Variants in PGBD2 observed in about 807,000 individuals in gnomAD.
PGBD2 encodes the protein piggyBac transposable element derived 2.
A neutral mutation model predicts 8.1 loss-of-function variants in PGBD2; 6 were observed. That is an observed-to-expected ratio of 0.74 (90% CI 0.40 to 1.46). PGBD2 has a LOEUF of 1.46. Ranked by LOEUF, PGBD2 falls within the 40% of genes most tolerant of loss-of-function variation. The pLI is 0.02. For synonymous variants in PGBD2, 318 were observed against 272.2 expected (o/e 1.17, Z -1.66); for missense variants, 802 against 739.0 (o/e 1.09, Z -0.99).
At chr1:248,877,690 A>G in the PGBD2 span, among the ~76,000 whole-genome samples, 3 of 152,316 alleles carry the variant, frequency 2.0e-5, no homozygotes, top group East Asian at 5.8e-4. Flanking sequence ...CTGGAATTTA[A>G]ATAATCCTTG....
downstream of PGBD2, among the ~76,000 whole-genome samples, chr1:248,920,882 A>G (rs111378261): frequency 3.3e-5 from 5 of 152,182 alleles, no homozygotes; most frequent in African/African-American, 1.2e-4. Flanking sequence ...ATTTGCATTT[A>G]TCTAATGACC....
Position 248,918,508 on chromosome 1 carries a change from T to C in PGBD2, c.*145T>C. On this transcript the variant is annotated 3_prime_UTR_variant, in exon 3 of 3. Transcript: ENST00000329291. ...TATTTTCTCCCTACCCACAATACAG[T>C]TATCTTTTTTATTGTGTTGTGTTAT... The C allele has an allele frequency of 1.5e-6, 1 of 660,334 alleles. No individual in the cohort carries two copies. Among genetic ancestry groups the C allele is most frequent in the Non-Finnish European group, 2.5e-6 (1 of 407,990 alleles). The allele number at this position is 660,334 out of a possible 1,614,324, so 40.9% of individuals were successfully genotyped here.
the PGBD2 span, among the ~76,000 whole-genome samples, chr1:248,891,666 C>T: frequency 3.4e-4 from 52 of 152,046 alleles, no homozygotes; most frequent in African/African-American, 1.3e-3. Context: ...CTCATCTCTA[C>T]TAAAAATTTA....
chr1:248,913,080 G>A (rs1283886385), intron 1 of PGBD2, among the ~76,000 whole-genome samples: 1 of 152,122 alleles, frequency 6.6e-6, no homozygotes, highest in African/African-American at 2.4e-5. Context: ...GGGATTACAG[G>A]TGTGAGCCAC....
At chr1:248,886,498 G>A in the PGBD2 span, among the ~76,000 whole-genome samples, 10 of 152,200 alleles carry the variant, frequency 6.6e-5, no homozygotes, top group Non-Finnish European at 1.5e-4. Flanking sequence ...TTATACCACT[G>A]AGATATTGAA....
rs41311595 is a variant in PGBD2, at chr1:248,918,526, T to C, written c.*163T>C. Reference sequence around the variant, plus strand: ...AATACAGTTATCTTTTTTATTGTGTTGTGTTATGCCTACATGTGATATAAA... The same window carrying C: ...AATACAGTTATCTTTTTTATTGTGTCGTGTTATGCCTACATGTGATATAAA... On this transcript the variant is annotated 3_prime_UTR_variant, in exon 3 of 3. Transcript: ENST00000329291. The C allele has an allele frequency of 0.035, 18,866 of 543,128 alleles. 444 individuals are homozygous for C. The highest frequency in any genetic ancestry group is 0.067 in the East Asian group (2,049 of 30,652). 33.6% of individuals were successfully genotyped at this position (543,128 alleles called of 1,614,324 possible).
At chr1:248,882,942 G>A in the PGBD2 span, among the ~76,000 whole-genome samples, 1 of 152,128 alleles carries the variant, frequency 6.6e-6, no homozygotes, top group Non-Finnish European at 1.5e-5. Flanking sequence ...ATGTCAGAAT[G>A]TGGTGCATTA....
the PGBD2 span, among the ~76,000 whole-genome samples, chr1:248,888,968 C>T: frequency 1.3e-5 from 2 of 152,096 alleles, no homozygotes; most frequent in Non-Finnish European, 2.9e-5. Context: ...GCCAGTTTTC[C>T]CAGCACTATT....
At chr1:248,903,786 C>T (rs1021445431), upstream of PGBD2, among the ~76,000 whole-genome samples, 1 of 152,162 alleles carries the variant, frequency 6.6e-6, no homozygotes, top group Non-Finnish European at 1.5e-5. Context: ...TTCCATACAA[C>T]TGTGGTTTCA....
At chr1:248,886,391 G>C in the PGBD2 span, among the ~76,000 whole-genome samples, 1 of 152,150 alleles carries the variant, frequency 6.6e-6, no homozygotes, top group Non-Finnish European at 1.5e-5. Context: ...GAGAAGTGAG[G>C]ATGACTGTTG....
chr1:248,916,860 C>A lies in PGBD2; in HGVS notation c.276C>A (p.Asp92Glu). The part of the protein sequence containing the change: ...EDSGTGEDND[D>E]LELQPAKKRQ... ...CTGGCACCGGGGAGGATAATGACGACCTGGAGCTGCAGCCAGCCAAGAAGA... is the reference window on the plus strand; with the variant it reads ...CTGGCACCGGGGAGGATAATGACGAACTGGAGCTGCAGCCAGCCAAGAAGA... The change falls in exon 3 of 3, where the codon GAC becomes GAA. Residue 92 changes from aspartate (D) to glutamate (E), a missense_variant. Coordinates refer to ENST00000329291, the MANE Select transcript of PGBD2 (RefSeq NM_170725.3). 2 of 1,614,056 alleles carry A rather than the reference C, an allele frequency of 1.2e-6. No homozygotes were observed. The highest frequency in any genetic ancestry group is 1.7e-6 in the Non-Finnish European group (2 of 1,180,014).
chr1:248,918,172 G>T lies in PGBD2; in HGVS notation c.1588G>T (p.Asp530Tyr). The change falls in exon 3 of 3, where the codon GAC (aspartate) becomes TAC (tyrosine). Residue 530 changes from aspartate to tyrosine, a missense_variant. Coordinates refer to ENST00000329291, the MANE Select transcript of PGBD2 (RefSeq NM_170725.3). ...IACVYLESNA[D>Y]TTSQGRRSRR... ...CTGTGTGTATCTGGAGAGCAATGCT[G>T]ACACAACATCTCAAGGGAGGCGAAG... The T allele has an allele frequency of 6.2e-7, 1 of 1,614,176 alleles. No homozygotes were observed. The highest frequency in any genetic ancestry group is 8.5e-7 in the Non-Finnish European group (1 of 1,180,036).
the PGBD2 span, among the ~76,000 whole-genome samples, chr1:248,882,917 TC>T: frequency 2.6e-5 from 4 of 152,190 alleles, no homozygotes; most frequent in African/African-American, 9.7e-5. Context: ...TCAGGGGGTC[TC>T]CCTACAAATG....
At chr1:248,881,876 G>GA in the PGBD2 span, among the ~76,000 whole-genome samples, 1 of 152,166 alleles carries the variant, frequency 6.6e-6, no homozygotes, top group Admixed American at 6.5e-5. Flanking sequence ...AACTAGGTTA[G>GA]AAAATTTTAG....
intron 1 of PGBD2, among the ~76,000 whole-genome samples, chr1:248,911,085 T>C (rs1661853688): frequency 6.6e-6 from 1 of 152,020 alleles, no homozygotes; most frequent in Admixed American, 6.6e-5. Flanking sequence ...TTACTATAGG[T>C]TAGCTTACAT....
At chr1:248,922,502 G>A (rs1662307568), downstream of PGBD2, among the ~76,000 whole-genome samples, 1 of 152,146 alleles carries the variant, frequency 6.6e-6, no homozygotes, top group South Asian at 2.1e-4. Flanking sequence ...TGTTGAATAG[G>A]AGTGGCAAGA....
chr1:248,893,364 A>T, the PGBD2 span, among the ~76,000 whole-genome samples: 1 of 152,210 alleles, frequency 6.6e-6, no homozygotes, highest in Non-Finnish European at 1.5e-5. Context: ...CCATTGAATA[A>T]CAACTCCCCA....
chr1:248,901,695 C>T (rs1661536766), upstream of PGBD2, among the ~76,000 whole-genome samples: 1 of 152,096 alleles, frequency 6.6e-6, no homozygotes. Flanking sequence ...ACCTTTATCA[C>T]AAAAACGCCA....
chr1:248,874,125 G>T, the PGBD2 span, among the ~76,000 whole-genome samples: 1 of 152,204 alleles, frequency 6.6e-6, no homozygotes, highest in Non-Finnish European at 1.5e-5. Flanking sequence ...CTACCAAGGG[G>T]AGGGAAGCAG....
Sources: gnomAD v4.1 joint callset for allele counts (sites outside exome capture counted in the v4.1 genomes callset) on GRCh38, gnomAD v4.1.1 for gene constraint, MANE v1.5 for transcripts, NCBI Gene and HGNC (gene_info 2026-07-23, HGNC 2026-07-21) for gene names.